ASCC1: variants seen among roughly 807,000 people sequenced by gnomAD.
ASCC1 encodes ASC-1 complex subunit P50.
A neutral mutation model predicts 46.6 loss-of-function variants in ASCC1; 35 were observed. That is an observed-to-expected ratio of 0.75 (90% CI 0.57 to 0.99). The LOEUF (loss-of-function observed/expected upper bound fraction) is 0.99. Ranked by LOEUF, ASCC1 falls within the 50% of genes least tolerant of loss-of-function variation. The pLI, the probability that ASCC1 is intolerant of heterozygous loss-of-function variation, is 0.00. For missense variants in ASCC1, 376 were observed against 428.7 expected, an observed-to-expected ratio of 0.88 and a Z score of 1.09; for synonymous variants, 143 against 146.6, an observed-to-expected ratio of 0.98 and a Z score of 0.18.
chr10:72,210,697 T>G, intron 3 of ASCC1, 35 bp downstream of exon 3: 1 of 1,578,580 alleles, frequency 6.3e-7, no homozygotes, highest in Non-Finnish European at 8.7e-7. Flanking sequence ...TTCCTGGAAG[T>G]GTCTTCCCAT....
chr10:72,126,098 C>G (rs1037465297), intron 9 of ASCC1, among the ~76,000 whole-genome samples: 3 of 152,220 alleles, frequency 2.0e-5, no homozygotes, highest in African/African-American at 7.2e-5. Flanking sequence ...TGCCCAACTT[C>G]AAATATCTAA....
intron 5 of ASCC1, among the ~76,000 whole-genome samples, chr10:72,178,331 C>A (rs545256938): frequency 8.5e-5 from 13 of 152,186 alleles, no homozygotes; most frequent in African/African-American, 3.1e-4. Context: ...TGTATGAATC[C>A]TACAAATTAT....
At chr10:72,138,549 G>A (rs1473945400) in intron 7 of ASCC1, among the ~76,000 whole-genome samples, 1 of 151,112 alleles carries the variant, frequency 6.6e-6, no homozygotes. Flanking sequence ...AGAGGAACCA[G>A]AATCCAAGTC....
intron 5 of ASCC1, among the ~76,000 whole-genome samples, chr10:72,162,769 C>G (rs1418194141): frequency 6.6e-6 from 1 of 151,826 alleles, no homozygotes; most frequent in Non-Finnish European, 1.5e-5. Flanking sequence ...ATGGTGAAAC[C>G]CCATCTCTAC....
At chr10:72,114,351 C>T (rs1480569999) in intron 9 of ASCC1, among the ~76,000 whole-genome samples, 2 of 152,136 alleles carry the variant, frequency 1.3e-5, no homozygotes, top group Admixed American at 1.3e-4. Context: ...AATGGCTGGG[C>T]GTGGTGGCTC....
chr10:72,098,254 C>T (rs1392578371), intron 9 of ASCC1, among the ~76,000 whole-genome samples: 1 of 152,194 alleles, frequency 6.6e-6, no homozygotes, highest in African/African-American at 2.4e-5. Flanking sequence ...CAGGAAAATG[C>T]AGCCATAGTG....
intron 1 of ASCC1, among the ~76,000 whole-genome samples, chr10:72,214,916 C>T (rs1018431879): frequency 2.0e-5 from 3 of 152,224 alleles, no homozygotes; most frequent in Non-Finnish European, 4.4e-5. Context: ...ACAAAATGCA[C>T]ATCGCTCACT....
At chr10:72,143,887 G>C (rs1036764053) in intron 7 of ASCC1, among the ~76,000 whole-genome samples, 3 of 151,794 alleles carry the variant, frequency 2.0e-5, no homozygotes, top group Admixed American at 2.0e-4. Context: ...CTTTGAGGCT[G>C]TTCTATTAGG....
chr10:72,181,449 A>T (rs1444155169), intron 5 of ASCC1, among the ~76,000 whole-genome samples: 1 of 152,222 alleles, frequency 6.6e-6, no homozygotes, highest in Non-Finnish European at 1.5e-5. Flanking sequence ...TTATTTTCAT[A>T]CATGGTTGCT....
At chr10:72,120,736 T>C (rs1159581887) in intron 9 of ASCC1, among the ~76,000 whole-genome samples, 1 of 152,130 alleles carries the variant, frequency 6.6e-6, no homozygotes, top group South Asian at 2.1e-4. Flanking sequence ...ACATTTGACT[T>C]TTCCTCAGAA....
intron 2 of ASCC1, among the ~76,000 whole-genome samples, 186 bp downstream of exon 2, chr10:72,213,001 C>A (rs1858393766): frequency 6.6e-6 from 1 of 151,986 alleles, no homozygotes; most frequent in Non-Finnish European, 1.5e-5. Flanking sequence ...AAATTGCAAC[C>A]AAAAACACTT....
At chr10:72,204,981 G>C (rs1315819242) in intron 3 of ASCC1, among the ~76,000 whole-genome samples, 1 of 152,200 alleles carries the variant, frequency 6.6e-6, no homozygotes, top group Non-Finnish European at 1.5e-5. Flanking sequence ...CAAAGTGGTT[G>C]AGGTTTAAAA....
chr10:72,136,028 T>G (rs977069865), intron 7 of ASCC1, among the ~76,000 whole-genome samples: 1 of 152,068 alleles, frequency 6.6e-6, no homozygotes, highest in African/African-American at 2.4e-5. Flanking sequence ...TGTTGTTGTT[T>G]TTCTTTTTTT....
In ASCC1 at chr10:72,161,595, T is replaced by C. The variant is rs1564673225; in HGVS notation, c.569A>G (p.Glu190Gly). 1 of 1,614,228 alleles carries C rather than the reference T, an allele frequency of 6.2e-7. No individual in the cohort carries two copies. Among genetic ancestry groups the C allele is most frequent in the Non-Finnish European group, 8.5e-7 (1 of 1,180,050 alleles). ...CTCACATGTCTGCTGGATCTCTTCC[T>C]CACTCAAAAGCACCAACATCCCAAT... is the stretch of plus-strand genomic sequence containing the variant. ...LTIGMLVLLS[E>G]EEIQQTCEML... is the part of the protein sequence containing the mutation. The change falls in exon 6 of 10, where the codon GAG (glutamate) becomes GGG (glycine). Residue 190 changes from glutamate to glycine, a missense_variant. By Grantham distance (98) the Glu-to-Gly change is moderately conservative (BLOSUM62 -2). Coordinates refer to ENST00000672957, the MANE Select transcript of ASCC1 (RefSeq NM_001198800.3).
At chr10:72,107,334 A>C (rs1842453024) in intron 9 of ASCC1, among the ~76,000 whole-genome samples, 1 of 148,456 alleles carries the variant, frequency 6.7e-6, no homozygotes, top group African/African-American at 2.4e-5. Context: ...TTTTGTTTCA[A>C]AGTTATGTTT....
At chr10:72,140,587 G>C (rs2132405165) in intron 7 of ASCC1, among the ~76,000 whole-genome samples, 1 of 152,298 alleles carries the variant, frequency 6.6e-6, no homozygotes, top group East Asian at 1.9e-4. Context: ...AGAAATATAT[G>C]TGTAATGTGA....
At chr10:72,201,595 A>T (rs1564750849) in intron 4 of ASCC1, among the ~76,000 whole-genome samples, 1 of 151,968 alleles carries the variant, frequency 6.6e-6, no homozygotes, top group Non-Finnish European at 1.5e-5. Flanking sequence ...CCGAGGGAAA[A>T]GTATTGCTTG....
intron 5 of ASCC1, among the ~76,000 whole-genome samples, chr10:72,177,476 C>G (rs765098583): frequency 6.6e-6 from 1 of 152,160 alleles, no homozygotes. Context: ...GATGCAGACC[C>G]ATTACCCATT....
At chr10:72,160,693 C>T (rs944598227) in intron 6 of ASCC1, among the ~76,000 whole-genome samples, 1 of 148,726 alleles carries the variant, frequency 6.7e-6, no homozygotes, top group Non-Finnish European at 1.5e-5. Flanking sequence ...AGAAAGACCC[C>T]GTCCCTAAAA....
Sources: gnomAD v4.1 joint callset for allele counts (sites outside exome capture counted in the v4.1 genomes callset) on GRCh38, gnomAD v4.1.1 for gene constraint, MANE v1.5 for transcripts, NCBI Gene and HGNC (gene_info 2026-07-23, HGNC 2026-07-21) for gene names.